The following FLNB variants were observed in gnomAD, a reference collection of about 807,000 sequenced individuals.
FLNB encodes filamin B, also known as filamin-B.
A neutral mutation model predicts 250.6 loss-of-function variants in FLNB; 111 were observed. The observed-to-expected ratio is 0.44, with a 90% CI of 0.38 to 0.52. FLNB has a LOEUF of 0.52. FLNB is among the 20% of genes least tolerant of loss of function. The pLI, the probability that FLNB is intolerant of heterozygous loss-of-function variation, is 0.00. For missense variants in FLNB, 2,869 were observed against 3,447.8 expected (o/e 0.83, Z 4.20); for synonymous variants, 1,302 against 1,372.1 (o/e 0.95, Z 1.13).
At chr3:58,143,709 C>T (rs1011070958) in intron 32 of FLNB, 96 bp downstream of exon 32, 26 of 1,484,242 alleles carry the variant, frequency 1.8e-5, no homozygotes, top group East Asian at 1.1e-4. Flanking sequence ...GAGCAGCTCT[C>T]GGCAGCAGGC....
At chr3:58,027,800 G>C (rs756981646) in intron 1 of FLNB, among the ~76,000 whole-genome samples, 2 of 152,162 alleles carry the variant, frequency 1.3e-5, no homozygotes, top group African/African-American at 2.4e-5. Context: ...TGACTCACTT[G>C]TAAAACAAAT....
At chr3:58,109,113 C>T in intron 13 of FLNB, 66 bp from the exon 14 acceptor site, 6 of 1,606,776 alleles carry the variant, frequency 3.7e-6, no homozygotes, top group Non-Finnish European at 2.6e-6. Context: ...TGGGAGGCCA[C>T]AGTGACCCTG....
intron 1 of FLNB, among the ~76,000 whole-genome samples, chr3:58,060,887 C>G (rs1305527385): frequency 1.3e-5 from 2 of 151,626 alleles, no homozygotes; most frequent in Non-Finnish European, 2.9e-5. Flanking sequence ...TCTTCAACAT[C>G]GACTCCTCTG....
rs1409749812 is a variant in FLNB at position 58,026,404 on chromosome 3, C to CT, written c.292+17549dup. On this transcript the variant is annotated intron_variant, in intron 1 of 45. Coordinates refer to ENST00000295956, the MANE Select transcript of FLNB (RefSeq NM_001457.4). Reference sequence around the variant, plus strand: ...TGCCTGCCATCTGTCAAAATTTTTGCTGCCCTGGGTGTGGTGGTAAACCCC... The same window carrying CT: ...TGCCTGCCATCTGTCAAAATTTTTGCTTGCCCTGGGTGTGGTGGTAAACCCC... Among the ~76,000 whole-genome samples, 4 of 152,300 alleles carry CT rather than the reference C, an allele frequency of 2.6e-5. No individual in the cohort carries two copies. The East Asian group carries it at 7.7e-4, about 29-fold the overall frequency.
intron 1 of FLNB, among the ~76,000 whole-genome samples, chr3:58,037,236 T>C (rs974503590): frequency 1.3e-5 from 2 of 152,270 alleles, no homozygotes; most frequent in South Asian, 4.2e-4. Context: ...AGCAGATTTT[T>C]GTATTTTTAG....
At chr3:58,129,697 C>A (rs1200763199) in intron 24 of FLNB, among the ~76,000 whole-genome samples, 2 of 152,190 alleles carry the variant, frequency 1.3e-5, no homozygotes, top group Non-Finnish European at 2.9e-5. Context: ...AGTATAAATT[C>A]TCTGGGATGC....
At chr3:58,103,596 T>G (rs892179698) in intron 9 of FLNB, among the ~76,000 whole-genome samples, 7 of 152,246 alleles carry the variant, frequency 4.6e-5, no homozygotes, top group Admixed American at 4.6e-4. Flanking sequence ...CCAGTTTTTG[T>G]GGGGGACTAG....
intron 1 of FLNB, among the ~76,000 whole-genome samples, chr3:58,049,206 T>C (rs1213822370): frequency 6.6e-6 from 1 of 152,186 alleles, no homozygotes; most frequent in Non-Finnish European, 1.5e-5. Flanking sequence ...GTAACTGATA[T>C]CTTGTATTTT....
At chr3:58,085,679 G>A (rs9865020) in intron 4 of FLNB, among the ~76,000 whole-genome samples, 1,740 of 152,196 alleles carry the variant, frequency 0.011, 35 homozygotes, top group African/African-American at 0.04. Context: ...AAAAGCATTC[G>A]TCCATGAGCT....
At chr3:58,103,372 G>C (rs1037528683) in intron 9 of FLNB, among the ~76,000 whole-genome samples, 21 of 152,038 alleles carry the variant, frequency 1.4e-4, no homozygotes, top group African/African-American at 4.8e-4. Flanking sequence ...TTGACTCAAC[G>C]GCTTTCCTGG....
intron 17 of FLNB, 78 bp from the exon 18 acceptor site, chr3:58,112,071 T>C: frequency 7.0e-7 from 1 of 1,422,574 alleles, no homozygotes; most frequent in African/African-American, 1.4e-5. Flanking sequence ...CCTGGTGCTG[T>C]TGAACCTGTC....
intron 1 of FLNB, among the ~76,000 whole-genome samples, chr3:58,060,352 C>CTCTTTT: frequency 7.3e-6 from 1 of 136,112 alleles, no homozygotes. Flanking sequence ...CCCTGTCTCT[C>CTCTTTT]TTTTTTTTTT....
intron 1 of FLNB, among the ~76,000 whole-genome samples, chr3:58,073,149 CTATT>C (rs55987295): frequency 6.6e-4 from 96 of 145,728 alleles, no homozygotes; most frequent in Middle Eastern, 3.5e-3. Context: ...AGTATACCCA[CTATT>C]TATTTATTTA....
At chr3:58,154,041 G>A (rs2097349496) in intron 39 of FLNB, among the ~76,000 whole-genome samples, 1 of 152,130 alleles carries the variant, frequency 6.6e-6, no homozygotes, top group Admixed American at 6.5e-5. Flanking sequence ...GGGAAAAAAT[G>A]GAACATTCTC....
chr3:58,008,534 C>T lies in FLNB; in HGVS notation c.-31C>T, dbSNP rs138060096. 1.4e-3 allele frequency: 2,171 copies of T among 1,562,480 alleles called. 23 individuals are homozygous for T. In the African/African-American group the frequency reaches 0.026, roughly 18 times the overall value. ...CTCCAAACACCAGTCCCCGGCAGCT[C>T]GTTGCGCATTGCGCTCTCCCCGCCA... is the stretch of plus-strand genomic sequence containing the variant. On this transcript the variant is annotated 5_prime_UTR_variant, in exon 1 of 46. Coordinates refer to ENST00000295956, the MANE Select transcript of FLNB (RefSeq NM_001457.4).
At chr3:58,147,115 A>C (rs1371005014) in intron 34 of FLNB, 122 bp downstream of exon 34, 2 of 986,644 alleles carry the variant, frequency 2.0e-6, no homozygotes, top group Non-Finnish European at 3.1e-6. Context: ...TTTCACAGAG[A>C]CTTGTTGAGG....
rs778655151 is a variant in FLNB at position 58,110,175 on chromosome 3, G to A, written c.2484+5G>A. The A allele has an allele frequency of 6.9e-5, 111 of 1,614,070 alleles. No homozygotes were observed. Among genetic ancestry groups the A allele is most frequent in the Middle Eastern group, 1.6e-4 (1 of 6,084 alleles). On this transcript the variant is annotated splice_donor_5th_base_variant and intron_variant, in intron 16 of 45. Transcript: ENST00000295956. ...AAAGTTCTCTTTGCATCTCAGGTAC[G>A]TGGTGGGGCCTGGGAGGAGATGGGT...
At chr3:58,012,717 C>T (rs567695492) in intron 1 of FLNB, among the ~76,000 whole-genome samples, 1 of 152,174 alleles carries the variant, frequency 6.6e-6, no homozygotes, top group African/African-American at 2.4e-5. Context: ...TTGTGTTTTC[C>T]TCATTGTGTT....
chr3:58,079,353 A>T (rs1286396286), intron 3 of FLNB, among the ~76,000 whole-genome samples: 1 of 151,984 alleles, frequency 6.6e-6, no homozygotes, highest in African/African-American at 2.4e-5. Context: ...CCCGGGTTCA[A>T]GCAATTCTCC....
Sources: allele counts gnomAD v4.1 joint callset (sites outside exome capture counted in the v4.1 genomes callset), GRCh38; gene constraint gnomAD v4.1.1; transcripts MANE v1.5; gene names NCBI Gene and HGNC (gene_info 2026-07-23, HGNC 2026-07-21).